IL16: variants seen among roughly 807,000 people sequenced by gnomAD.
IL16 encodes the protein interleukin 16, also known as pro-interleukin-16.
In IL16, 67 loss-of-function variants were observed where a neutral mutation model predicts 110.1. That is an observed-to-expected ratio of 0.61 (90% CI 0.50 to 0.75). The LOEUF is 0.75. IL16 is among the 30% of genes least tolerant of loss of function. The pLI, the probability that IL16 is intolerant of heterozygous loss-of-function variation, is 0.00. For missense variants in IL16, 1,545 were observed against 1,655.0 expected (o/e 0.93, Z 1.15); for synonymous variants, 689 against 662.9 (o/e 1.04, Z -0.61).
intron 12 of IL16, among the ~76,000 whole-genome samples, chr15:81,293,900 C>T (rs1899862916): frequency 1.3e-5 from 2 of 152,166 alleles, no homozygotes; most frequent in Non-Finnish European, 2.9e-5. Context: ...GTGAGAGTCC[C>T]AGTTGTGCAA....
intron 2 of IL16, among the ~76,000 whole-genome samples, chr15:81,245,724 CTTTTTTTTTTTT>C (rs1009292228): frequency 1.6e-5 from 1 of 61,282 alleles, no homozygotes; most frequent in Non-Finnish European, 3.0e-5. Flanking sequence ...TTTGTTTTGG[CTTTTTTTTTTTT>C]TTTTTTTTTT....
chr15:81,250,920 ACT>A (rs918310663), intron 2 of IL16, among the ~76,000 whole-genome samples: 20 of 151,782 alleles, frequency 1.3e-4, no homozygotes, highest in Non-Finnish European at 2.9e-4. Context: ...ATCCTGTTAA[ACT>A]CTCTTTCCTA....
intron 2 of IL16, among the ~76,000 whole-genome samples, chr15:81,234,775 A>C (rs1595977930): frequency 6.6e-6 from 1 of 151,662 alleles, no homozygotes; most frequent in Admixed American, 6.6e-5. Flanking sequence ...ATGAAAGTAC[A>C]CATGAGATCT....
At chr15:81,225,259 G>A in intron 1 of IL16, 40 bp from the exon 2 acceptor site, 2 of 1,459,668 alleles carry the variant, frequency 1.4e-6, no homozygotes, top group Admixed American at 2.3e-5. Flanking sequence ...CTTGTCAGCA[G>A]CAAGTCACAT....
Position 81,309,318 on chromosome 15 carries a change from G to C in IL16, c.*520G>C, listed in dbSNP as rs771967172. ...CTCATACATCTGGCCGTTGATGTTGGCTGGGAACTCACCTGGGGCTGCTGG... is the reference window on the plus strand; with the variant it reads ...CTCATACATCTGGCCGTTGATGTTGCCTGGGAACTCACCTGGGGCTGCTGG... On this transcript the variant is annotated 3_prime_UTR_variant, in exon 19 of 19. Transcript: ENST00000683961. The C allele has an allele frequency of 6.5e-6, 1 of 152,902 alleles. No individual in the cohort carries two copies. The highest frequency in any genetic ancestry group is 1.5e-5 in the Non-Finnish European group (1 of 68,514). The allele number at this position is 152,902 out of a possible 1,614,324, so 9.5% of individuals were successfully genotyped here. A position where few individuals can be genotyped will look rare whatever the true frequency, so the allele number is the denominator to read the frequency against.
chr15:81,238,029 G>C (rs1308493937), intron 2 of IL16, among the ~76,000 whole-genome samples: 1 of 151,940 alleles, frequency 6.6e-6, no homozygotes, highest in Non-Finnish European at 1.5e-5. Flanking sequence ...TCAGCCTTCC[G>C]AGTAGCTGGG....
chr15:81,233,599 TAC>T (rs907382250), intron 2 of IL16, among the ~76,000 whole-genome samples: 12 of 151,634 alleles, frequency 7.9e-5, no homozygotes, highest in East Asian at 7.7e-4. Context: ...TACATGCATA[TAC>T]ACACACACAC....
intron 1 of IL16, among the ~76,000 whole-genome samples, chr15:81,213,339 T>A (rs968566399): frequency 6.6e-6 from 1 of 152,238 alleles, no homozygotes; most frequent in Non-Finnish European, 1.5e-5. Context: ...ATGTTTCATG[T>A]GCAGATGAGA....
rs1235924837 is a variant in IL16, at chr15:81,290,505, A to G, written c.1385A>G (p.Lys462Arg). Residue 462 changes from lysine to arginine, a missense_variant, in exon 11 of 19, where the codon AAG becomes AGG. Physicochemically the swap from Lys to Arg is conservative, Grantham distance 26. This residue lies in a region of IL16 where 1,185 missense variants were observed against 1,238.8 expected (regional missense o/e 0.96). Coordinates refer to ENST00000683961, the MANE Select transcript of IL16 (RefSeq NM_172217.5). ...GTGGCCCAGGCTGTGGAAAACACCA[A>G]GTTTGGAAAGGAGAGGCATCAGTGG... ...EAVAQAVENTKFGKERHQWSL... is the reference protein window; with the variant it reads ...EAVAQAVENTRFGKERHQWSL... 3 of 1,613,826 alleles carry G rather than the reference A, an allele frequency of 1.9e-6. No homozygotes were observed. Among genetic ancestry groups the G allele is most frequent in the Non-Finnish European group, 2.5e-6 (3 of 1,179,836 alleles).
intron 2 of IL16, among the ~76,000 whole-genome samples, chr15:81,256,022 CAT>C (rs1320621583): frequency 5.3e-5 from 8 of 152,142 alleles, no homozygotes; most frequent in Non-Finnish European, 7.4e-5. Flanking sequence ...AATACAGAAA[CAT>C]GTGAAAAAAT....
In IL16 at chr15:81,303,012, G is replaced by C. The variant is rs1900364092; in HGVS notation, c.3319-537G>C. The stretch of plus-strand genomic sequence containing the variant: ...CCCGTCTAGGCTAGGAAGTACCGTA[G>C]TAATGTGTGTGTGTGTGTGTGTGTG... On this transcript the variant is annotated intron_variant, in intron 15 of 18. Transcript: ENST00000683961. This position sits in a 1 kb window ranked among gnomAD's most constrained non-coding sequence, Gnocchi z 4.1. Among the ~76,000 whole-genome samples, 1 of 100,596 alleles carries C rather than the reference G, an allele frequency of 9.9e-6. No individual in the cohort carries two copies. The highest frequency in any genetic ancestry group is 3.6e-5 in the African/African-American group (1 of 27,766). The allele number at this position is 100,596 out of a possible 152,430, so 66.0% of individuals were successfully genotyped here.
chr15:81,182,854 G>A (rs1165520728), exon 1 of IL16: 1 of 1,289,400 alleles, frequency 7.8e-7, no homozygotes, highest in Non-Finnish European at 1.0e-6. Context: ...CAAACCCTGT[G>A]CAATGAGTTT....
chr15:81,285,556 C>T, intron 9 of IL16, 142 bp from the exon 10 acceptor site: 1 of 807,690 alleles, frequency 1.2e-6, no homozygotes, highest in East Asian at 2.7e-5. Context: ...GAGTTTTGGT[C>T]TGGTGGCTAG....
At chr15:81,275,837 G>C (rs1898886537) in intron 6 of IL16, among the ~76,000 whole-genome samples, 1 of 152,152 alleles carries the variant, frequency 6.6e-6, no homozygotes, top group African/African-American at 2.4e-5. Context: ...ACAAAAGTTT[G>C]GTGTACAGAT....
At chr15:81,230,500 A>C (rs960466976) in intron 2 of IL16, among the ~76,000 whole-genome samples, 4 of 152,138 alleles carry the variant, frequency 2.6e-5, no homozygotes, top group Admixed American at 2.0e-4. Flanking sequence ...AATAGATTTG[A>C]TATTATACCC....
At chr15:81,225,255 A>T in intron 1 of IL16, 44 bp from the exon 2 acceptor site, 1 of 1,449,546 alleles carries the variant, frequency 6.9e-7, no homozygotes, top group Non-Finnish European at 9.1e-7. Context: ...TCCACTTGTC[A>T]GCAGCAAGTC....
At chr15:81,299,162 A>G in intron 13 of IL16, 1 of 728,944 alleles carries the variant, frequency 1.4e-6, no homozygotes, top group Admixed American at 2.0e-5. Context: ...AAACACTAGG[A>G]TACTGTGAGA....
chr15:81,186,697 T>A (rs1037268834), intron 1 of IL16, among the ~76,000 whole-genome samples: 51 of 152,264 alleles, frequency 3.3e-4, no homozygotes, highest in Admixed American at 3.3e-3. Flanking sequence ...GAGGAAAGAA[T>A]TGTAGTCAAC....
rs751562502 is a variant in IL16 at position 81,293,013 on chromosome 15, G to A, written c.1878G>A (p.Gly626=). The part of the protein sequence containing the change: ...EERENSSCSS[G]HTPPTCGQEA... ...GAGAGAACTCCTCATGCTCTTCTGG[G>A]CACACCCCACCCACCTGTGGCCAGG... The change falls in exon 12 of 19, where the codon GGG becomes GGA. Residue 626 remains glycine (G), a synonymous_variant. Transcript: ENST00000683961. The A allele has an allele frequency of 4.9e-5, 79 of 1,609,528 alleles. No individual in the cohort carries two copies. Among genetic ancestry groups the A allele is most frequent in the Non-Finnish European group, 6.7e-5 (79 of 1,179,534 alleles).
Sources: allele counts gnomAD v4.1 joint callset (sites outside exome capture counted in the v4.1 genomes callset), GRCh38; gene constraint gnomAD v4.1.1; regional missense constraint gnomAD v4.1.1; non-coding constraint Gnocchi (gnomAD v3.1); transcripts MANE v1.5; gene names NCBI Gene and HGNC (gene_info 2026-07-23, HGNC 2026-07-21).